CYP2C8: variants seen among roughly 807,000 people sequenced by gnomAD.
CYP2C8 encodes cytochrome P450 family 2 subfamily C member 8, also known as cytochrome P450 2C8.
CYP2C8 carries 51 observed loss-of-function variants against 41.3 expected under a neutral mutation model. The ratio of observed to expected loss-of-function variants is 1.24; its 90% CI spans 0.99 to 1.56. The LOEUF is 1.56. Ranked by LOEUF, CYP2C8 falls within the 40% of genes most tolerant of loss-of-function variation. The pLI, the probability that CYP2C8 is intolerant of heterozygous loss-of-function variation, is 0.00. For synonymous variants in CYP2C8, 218 were observed against 205.8 expected, an observed-to-expected ratio of 1.06 and a Z score of -0.51; for missense variants, 651 against 579.9, an observed-to-expected ratio of 1.12 and a Z score of -1.26.
Position 95,037,724 on chromosome 10 carries a change from A to G in CYP2C8, c.1292-415T>C, listed in dbSNP as rs75321477. Among the ~76,000 whole-genome samples the G allele has an allele frequency of 1.7e-4, 26 of 152,176 alleles. No individual in the cohort carries two copies. The East Asian group carries it at 3.7e-3, about 21-fold the overall frequency. On this transcript the variant is annotated intron_variant, in intron 8 of 8. Coordinates refer to ENST00000371270, the MANE Select transcript of CYP2C8 (RefSeq NM_000770.3). ...CTGATATTCCATGACTTTTCCTTCC[A>G]CTTTTCACATAATCTGTTCTCAGCT...
rs143887293 is a variant in CYP2C8, at chr10:95,046,846, G to C, written c.820-895C>G. 4.9e-4 allele frequency among the ~76,000 whole-genome samples: 74 copies of C among 150,570 alleles called. 1 individual carries two copies. Among genetic ancestry groups the C allele is most frequent in the African/African-American group, 1.1e-3 (44 of 41,086 alleles). ...GCCCACTATAAGACTTCTTGTATTT[G>C]AGATATATAAGCCAACTATTTGATT... On this transcript the variant is annotated intron_variant, in intron 5 of 8. Transcript: ENST00000371270.
chr10:95,069,062 C>CAAAA, intron 1 of CYP2C8, 173 bp downstream of exon 1: 2 of 650,580 alleles, frequency 3.1e-6, no homozygotes, highest in Non-Finnish European at 5.0e-6. Flanking sequence ...GACTCCGTCT[C>CAAAA]AAAAAAAAAA....
At chr10:95,049,486 G>A (rs2033174342) in intron 5 of CYP2C8, among the ~76,000 whole-genome samples, 1 of 152,178 alleles carries the variant, frequency 6.6e-6, no homozygotes, top group Admixed American at 6.6e-5. Flanking sequence ...AATTAGTGCA[G>A]TTCTGTTAAG....
rs187799919 is a variant in CYP2C8 at position 95,060,495 on chromosome 10, T to A, written c.643-1984A>T. Among the ~76,000 whole-genome samples the A allele has an allele frequency of 3.9e-3, 595 of 152,374 alleles. 2 individuals carry two copies. The highest frequency in any genetic ancestry group is 0.013 in the African/African-American group (537 of 41,598). ...TTGTGATTTTTGCACATTGATTTTG[T>A]ATCCCGAGACATTGCTGAAGTTGCT... On this transcript the variant is annotated intron_variant, in intron 4 of 8. Coordinates refer to ENST00000371270, the MANE Select transcript of CYP2C8 (RefSeq NM_000770.3).
At chr10:95,060,980 C>A (rs111700685) in intron 4 of CYP2C8, among the ~76,000 whole-genome samples, 2 of 152,246 alleles carry the variant, frequency 1.3e-5, no homozygotes, top group African/African-American at 4.8e-5. Context: ...GCCTTGCATC[C>A]CAGGGATGAT....
intron 5 of CYP2C8, among the ~76,000 whole-genome samples, chr10:95,050,139 G>T (rs1378531238): frequency 6.6e-6 from 1 of 152,040 alleles, no homozygotes; most frequent in Admixed American, 6.6e-5. Flanking sequence ...TCTGTATTCT[G>T]CATGGGCCTG....
chr10:95,050,891 C>A (rs534318171), intron 5 of CYP2C8, among the ~76,000 whole-genome samples: 19 of 152,068 alleles, frequency 1.2e-4, no homozygotes, highest in African/African-American at 4.3e-4. Context: ...AAACCCCAGA[C>A]TACAAAGACA....
At chr10:95,059,847 C>G (rs1043017706) in intron 4 of CYP2C8, among the ~76,000 whole-genome samples, 3 of 152,202 alleles carry the variant, frequency 2.0e-5, no homozygotes, top group African/African-American at 7.2e-5. Context: ...GATCCAGTTT[C>G]AGCTTTCTAC....
At chr10:95,066,137 AGAGAGAGAGAGAGAGAGTGTGTGT>A (rs1354148792) in intron 3 of CYP2C8, among the ~76,000 whole-genome samples, 1 of 109,476 alleles carries the variant, frequency 9.1e-6, no homozygotes, top group Non-Finnish European at 1.9e-5. Context: ...AGAGAGAGAG[AGAGAGAGAGAGAGAGAGTGTGTGT>A]GTGTGTGTGT....
rs140165475 is a variant in CYP2C8 at position 95,068,075 on chromosome 10, C to T, written c.169-384G>A. ...GAATCTCTGCTAATTTAAACTGATG[C>T]TTGAGCAATTAATCAATCCCCCATG... is the stretch of plus-strand genomic sequence containing the variant. On this transcript the variant is annotated intron_variant, in intron 1 of 8. Transcript: ENST00000371270. Among the ~76,000 whole-genome samples, 73 of 152,326 alleles carry T rather than the reference C, an allele frequency of 4.8e-4. 1 individual carries two copies. In the East Asian group the frequency reaches 0.012, roughly 26 times the overall value.
chr10:95,053,766 G>T (rs539498177), intron 5 of CYP2C8, among the ~76,000 whole-genome samples: 1 of 152,040 alleles, frequency 6.6e-6, no homozygotes. Context: ...GGCCTGTTGG[G>T]GGGTGGGGAG....
At chr10:95,066,560 G>C (rs1359409709) in intron 3 of CYP2C8, among the ~76,000 whole-genome samples, 1 of 152,086 alleles carries the variant, frequency 6.6e-6, no homozygotes, top group African/African-American at 2.4e-5. Flanking sequence ...GTAAGTAGTG[G>C]TTAACAAGAA....
At chr10:95,052,781 G>A (rs115988306) in intron 5 of CYP2C8, among the ~76,000 whole-genome samples, 7,096 of 152,050 alleles carry the variant, frequency 0.047, 238 homozygotes, top group Middle Eastern at 0.16. Context: ...ACAGGGTATA[G>A]AAGGAACATA....
intron 7 of CYP2C8, among the ~76,000 whole-genome samples, chr10:95,041,356 G>A (rs909784910): frequency 6.6e-6 from 1 of 152,182 alleles, no homozygotes; most frequent in Non-Finnish European, 1.5e-5. Flanking sequence ...TTAAAATCAT[G>A]AGGGAGATCG....
intron 5 of CYP2C8, among the ~76,000 whole-genome samples, chr10:95,049,746 G>A (rs2033180949): frequency 6.6e-6 from 1 of 152,048 alleles, no homozygotes; most frequent in Non-Finnish European, 1.5e-5. Context: ...GGGGTGGGAG[G>A]TGCAACCTAC....
chr10:95,051,414 A>G (rs964611710), intron 5 of CYP2C8, among the ~76,000 whole-genome samples: 5 of 152,172 alleles, frequency 3.3e-5, no homozygotes, highest in African/African-American at 1.2e-4. Flanking sequence ...AAGAGGAGGT[A>G]GAGAAAGAGA....
At chr10:95,061,792 C>T (rs2134433729) in intron 4 of CYP2C8, among the ~76,000 whole-genome samples, 1 of 152,210 alleles carries the variant, frequency 6.6e-6, no homozygotes, top group Admixed American at 6.5e-5. Context: ...TATAAATTTC[C>T]CTCTACACAC....
chr10:95,051,228 A>C (rs2033209992), intron 5 of CYP2C8, among the ~76,000 whole-genome samples: 1 of 152,168 alleles, frequency 6.6e-6, no homozygotes, highest in Admixed American at 6.5e-5. Flanking sequence ...TGGAGTCTTT[A>C]GTAGAATAAT....
rs1034496890 is a variant in CYP2C8, at chr10:95,037,005, T to A, written c.*123A>T. On this transcript the variant is annotated 3_prime_UTR_variant, in exon 9 of 9. Coordinates refer to ENST00000371270, the MANE Select transcript of CYP2C8 (RefSeq NM_000770.3). Reference sequence around the variant, plus strand: ...CTCCTTAATGGAGTTTGGATGCTTATGGGATATTGAGTGAATGGGAAGATT... The same window carrying A: ...CTCCTTAATGGAGTTTGGATGCTTAAGGGATATTGAGTGAATGGGAAGATT... The A allele has an allele frequency of 2.2e-6, 2 of 899,004 alleles. No individual in the cohort carries two copies. Among genetic ancestry groups the A allele is most frequent in the East Asian group, 5.1e-5 (2 of 39,494 alleles). The allele number at this position is 899,004 out of a possible 1,614,324, so 55.7% of individuals were successfully genotyped here.
Sources: allele counts gnomAD v4.1 joint callset (sites outside exome capture counted in the v4.1 genomes callset), GRCh38; gene constraint gnomAD v4.1.1; transcripts MANE v1.5; gene names NCBI Gene and HGNC (gene_info 2026-07-23, HGNC 2026-07-21).